ST14: variants seen among roughly 807,000 people sequenced by gnomAD.
ST14 encodes ST14 transmembrane serine protease matriptase, also known as suppressor of tumorigenicity 14 protein.
ST14 carries 40 observed loss-of-function variants against 96.5 expected under a neutral mutation model. That is an observed-to-expected ratio of 0.41 (90% CI 0.32 to 0.54). The LOEUF is 0.54. Among genes scored for constraint, ST14 ranks in the 20% least tolerant of loss-of-function variants. ST14 has a pLI of 0.17. For synonymous variants in ST14, 506 were observed against 492.1 expected (o/e 1.03, Z -0.37); for missense variants, 1,066 against 1,188.9 (o/e 0.90, Z 1.52).
intron 16 of ST14, among the ~76,000 whole-genome samples, chr11:130,203,924 G>A (rs1187175190): frequency 6.6e-6 from 1 of 152,224 alleles, no homozygotes; most frequent in African/African-American, 2.4e-5. Flanking sequence ...AAAGTGCTGG[G>A]ATTATAAGGT....
intron 1 of ST14, among the ~76,000 whole-genome samples, chr11:130,173,114 G>A (rs1330734571): frequency 6.6e-6 from 1 of 152,124 alleles, no homozygotes; most frequent in Non-Finnish European, 1.5e-5. Context: ...CTTAAAAGTG[G>A]GTTAATAACC....
chr11:130,160,009 AG>A lies in ST14; in HGVS notation c.35del (p.Gly12AlafsTer18). On this transcript the variant is annotated frameshift_variant, in exon 1 of 19. Coordinates refer to ENST00000278742, the MANE Select transcript of ST14 (RefSeq NM_021978.4). LOFTEE classifies it high-confidence loss of function. Reference protein sequence around the residue: MGSDRARKGGGGPKDFGAGLK... With the variant: MGSDRARKGGXGPKDFGAGLK... ...GGAGCGATCGGGCCCGCAAGGGCGG[AG>A]GGGGCCCGAAGGACTTCGGCGCGGG... is the stretch of plus-strand genomic sequence containing the variant. The A allele has an allele frequency of 1.4e-6, 2 of 1,423,236 alleles. No homozygotes were observed. Among genetic ancestry groups the A allele is most frequent in the East Asian group, 3.1e-5 (1 of 32,404 alleles). 88.2% of individuals were successfully genotyped at this position (1,423,236 alleles called of 1,614,324 possible). A position where few individuals can be genotyped will look rare whatever the true frequency, so the allele number is the denominator to read the frequency against.
rs575008549 is a variant in ST14 at position 130,177,886 on chromosome 11, T to A, written c.82-10228T>A. ...TACCACCTATGCCCAGTAAGCTGAC[T>A]GTGCCAATTCTCATGAGCGGTGCGA... On this transcript the variant is annotated intron_variant, in intron 1 of 18. Transcript: ENST00000278742. Among the ~76,000 whole-genome samples, 21 of 152,378 alleles carry A rather than the reference T, an allele frequency of 1.4e-4. No individual in the cohort carries two copies. The South Asian group carries it at 4.1e-3, about 30-fold the overall frequency.
chr11:130,200,018 G>A lies in ST14; in HGVS notation c.1875G>A (p.Glu625=), dbSNP rs753549657. The stretch of plus-strand genomic sequence containing the variant: ...GGGGCACGGATGCGGATGAGGGCGA[G>A]TGGCCCTGGCAGGTAAGCCTGCATG... ...VVGGTDADEG[E]WPWQVSLHAL... Residue 625 remains glutamate (E), a synonymous_variant, in exon 16 of 19, where the codon GAG becomes GAA. Transcript: ENST00000278742. The A allele has an allele frequency of 1.9e-6, 3 of 1,614,178 alleles. No homozygotes were observed. Among genetic ancestry groups the A allele is most frequent in the South Asian group, 2.2e-5 (2 of 91,086 alleles).
chr11:130,199,141 G>T, intron 15 of ST14, 72 bp downstream of exon 15: 2 of 1,486,750 alleles, frequency 1.3e-6, no homozygotes, highest in South Asian at 2.3e-5. Flanking sequence ...GGTGCACCTG[G>T]AGGTGCAATC....
intron 12 of ST14, 40 bp downstream of exon 12, chr11:130,197,985 C>A: frequency 6.6e-7 from 1 of 1,526,452 alleles, no homozygotes; most frequent in Non-Finnish European, 8.8e-7. Flanking sequence ...CACCCTCCTT[C>A]CCCACCCTGC....
At chr11:130,182,309 G>GT (rs563165982) in intron 1 of ST14, among the ~76,000 whole-genome samples, 129 of 151,188 alleles carry the variant, frequency 8.5e-4, no homozygotes, top group African/African-American at 3.0e-3. Context: ...TTTTTTCTTT[G>GT]TTTCTTTCTT....
chr11:130,198,142 G>T (rs1001272972), intron 12 of ST14, among the ~76,000 whole-genome samples, 166 bp from the exon 13 acceptor site: 3 of 152,366 alleles, frequency 2.0e-5, no homozygotes, highest in South Asian at 2.1e-4. Context: ...AGGTGGTGGG[G>T]TATCTCGGAA....
At chr11:130,160,974 T>C (rs1479213353) in intron 1 of ST14, among the ~76,000 whole-genome samples, 2 of 152,178 alleles carry the variant, frequency 1.3e-5, no homozygotes, top group Non-Finnish European at 2.9e-5. Flanking sequence ...CTGCAAATGA[T>C]GGCCTCCCTG....
chr11:130,199,138 C>T (rs1329581066), intron 15 of ST14, 69 bp downstream of exon 15: 1 of 1,521,800 alleles, frequency 6.6e-7, no homozygotes, highest in Admixed American at 1.9e-5. Context: ...GAGGGTGCAC[C>T]TGGAGGTGCA....
At chr11:130,207,112 A>G (rs1192188959) in intron 16 of ST14, among the ~76,000 whole-genome samples, 1 of 152,158 alleles carries the variant, frequency 6.6e-6, no homozygotes, top group African/African-American at 2.4e-5. Flanking sequence ...AAAATGTTCC[A>G]GGTTGCTTTA....
Position 130,200,113 on chromosome 11 carries a change from G to A in ST14, c.1970G>A (p.Cys657Tyr), listed in dbSNP as rs1382158622. ...SPNWLVSAAH[C>Y]YIDDRGFRYS... ...AACTGGCTGGTCTCTGCCGCACACT[G>A]CTACATCGATGACAGAGGATTCAGG... The change falls in exon 16 of 19, where the codon TGC becomes TAC. Residue 657 changes from cysteine to tyrosine, a missense_variant. Transcript: ENST00000278742. 6.2e-7 allele frequency: 1 copy of A among 1,614,210 alleles called. No individual in the cohort carries two copies. The highest frequency in any genetic ancestry group is 8.5e-7 in the Non-Finnish European group (1 of 1,180,036).
intron 1 of ST14, among the ~76,000 whole-genome samples, chr11:130,168,882 G>A (rs1228236699): frequency 1.3e-5 from 2 of 152,022 alleles, no homozygotes; most frequent in African/African-American, 4.8e-5. Context: ...AGGCAGGCTT[G>A]GGTTTTTCCC....
At chr11:130,170,834 T>C (rs1368345728) in intron 1 of ST14, among the ~76,000 whole-genome samples, 2 of 151,912 alleles carry the variant, frequency 1.3e-5, no homozygotes, top group African/African-American at 4.8e-5. Context: ...TTGTAGTAGA[T>C]AGAGTTTTGC....
chr11:130,168,815 G>T (rs1359248959), intron 1 of ST14, among the ~76,000 whole-genome samples: 1 of 152,112 alleles, frequency 6.6e-6, no homozygotes, highest in African/African-American at 2.4e-5. Flanking sequence ...CAAAACAGGT[G>T]CTCAGATTTG....
chr11:130,199,871 T>C, intron 15 of ST14, 80 bp from the exon 16 acceptor site: 1 of 1,579,558 alleles, frequency 6.3e-7, no homozygotes, highest in Non-Finnish European at 8.7e-7. Context: ...CAGGGTCTCC[T>C]GGCACACACT....
chr11:130,173,720 T>G (rs1468766024), intron 1 of ST14, among the ~76,000 whole-genome samples: 1 of 152,050 alleles, frequency 6.6e-6, no homozygotes, highest in Admixed American at 6.5e-5. Context: ...CAGGAGCCAA[T>G]CCTTGGCTGG....
intron 1 of ST14, among the ~76,000 whole-genome samples, chr11:130,163,270 T>C (rs1953012569): frequency 6.6e-6 from 1 of 152,160 alleles, no homozygotes; most frequent in Non-Finnish European, 1.5e-5. Flanking sequence ...AGAGACCTCT[T>C]CCTAAGACCT....
Position 130,209,495 on chromosome 11 carries a change from A to T in ST14, c.2323A>T (p.Thr775Ser). Residue 775 changes from threonine to serine, a missense_variant, in exon 18 of 19, where the codon ACC becomes TCC. Physicochemically the swap from Thr to Ser is moderately conservative, Grantham distance 58. Transcript: ENST00000278742. ...TGAGATCCGCGTCATCAACCAGACC[A>T]CCTGCGAGAACCTCCTGCCGCAGCA... is the stretch of plus-strand genomic sequence containing the variant. ...KGEIRVINQT[T>S]CENLLPQQIT... 6.3e-7 allele frequency: 1 copy of T among 1,584,338 alleles called. No homozygotes were observed. Among genetic ancestry groups the T allele is most frequent in the Non-Finnish European group, 8.6e-7 (1 of 1,165,590 alleles).
Sources: gnomAD v4.1 joint callset for allele counts (sites outside exome capture counted in the v4.1 genomes callset) on GRCh38, gnomAD v4.1.1 for gene constraint, MANE v1.5 for transcripts, NCBI Gene and HGNC (gene_info 2026-07-23, HGNC 2026-07-21) for gene names.